Variants in WDR35 observed in about 807,000 individuals in gnomAD.
The protein encoded by WDR35 is WD repeat-containing protein 35.
A neutral mutation model predicts 158.3 loss-of-function variants in WDR35; 118 were observed. The ratio of observed to expected loss-of-function variants is 0.75; its 90% CI spans 0.64 to 0.87. The LOEUF is 0.87. WDR35 is among the 40% of genes least tolerant of loss of function. WDR35 has a pLI of 0.00. For missense variants in WDR35, 1,263 were observed against 1,405.8 expected (o/e 0.90, Z 1.62); for synonymous variants, 448 against 476.1 (o/e 0.94, Z 0.77).
At chr2:19,960,441 C>A (rs1671603793) in intron 11 of WDR35, 113 bp downstream of exon 11, 2 of 833,626 alleles carry the variant, frequency 2.4e-6, no homozygotes, top group Non-Finnish European at 3.9e-6. Context: ...GAAGTATGGT[C>A]ATCCTCGTTT....
chr2:19,931,451 A>G (rs1231827663), intron 23 of WDR35, 42 bp from the exon 24 acceptor site: 5 of 1,604,502 alleles, frequency 3.1e-6, no homozygotes, highest in Non-Finnish European at 4.3e-6. Context: ...CTTCTTATCT[A>G]TATTTGTACA....
At chr2:19,955,589 C>G (rs187714576) in intron 11 of WDR35, among the ~76,000 whole-genome samples, 1 of 151,908 alleles carries the variant, frequency 6.6e-6, no homozygotes, top group Non-Finnish European at 1.5e-5. Flanking sequence ...CAAAAAACTC[C>G]GTCACAAACA....
In WDR35 at chr2:19,913,543, C is replaced by T. The variant is rs1669898941; in HGVS notation, c.*15G>A. 3 of 1,613,806 alleles carry T rather than the reference C, an allele frequency of 1.9e-6. No individual in the cohort carries two copies. The highest frequency in any genetic ancestry group is 1.1e-5 in the South Asian group (1 of 91,076). On this transcript the variant is annotated 3_prime_UTR_variant, in exon 27 of 27. Coordinates refer to ENST00000281405, the MANE Select transcript of WDR35 (RefSeq NM_020779.4). ...GCTACATATATTTTACAGTTATATA[C>T]AGTTTATCATTCCTTTATCCCACTG...
chr2:19,976,996 T>A lies in WDR35; in HGVS notation c.437-1333A>T, dbSNP rs1012308282. 2.7e-5 allele frequency among the ~76,000 whole-genome samples: 4 copies of A among 148,370 alleles called. No homozygotes were observed. In the East Asian group the frequency reaches 8.0e-4, roughly 30 times the overall value. On this transcript the variant is annotated intron_variant, in intron 5 of 26. Coordinates refer to ENST00000281405, the MANE Select transcript of WDR35 (RefSeq NM_020779.4). ...CACCACGCCCAGATAATTTGTTTTG[T>A]TTTTTTTTTATTTTTAGCACAGACA... is the stretch of plus-strand genomic sequence containing the variant.
chr2:19,958,046 C>A (rs1337516970), intron 11 of WDR35, among the ~76,000 whole-genome samples: 1 of 152,128 alleles, frequency 6.6e-6, no homozygotes, highest in East Asian at 1.9e-4. Context: ...TAATGTTCAC[C>A]CACTTTCCCA....
At position 19,941,746 on chromosome 2, in the gene WDR35, T is replaced by C. The variant is rs1380888324; in HGVS notation, c.1926+13A>G. ...TCAAGCTAGCAACAGAAATGTAACT[T>C]TTTAGGAATTACCTTTAATATCTCA... On this transcript the variant is annotated intron_variant, in intron 17 of 26. Transcript: ENST00000281405. The C allele has an allele frequency of 6.6e-7, 1 of 1,525,746 alleles. No individual in the cohort carries two copies. The highest frequency in any genetic ancestry group is 1.2e-5 in the South Asian group (1 of 85,462). The allele number at this position is 1,525,746 out of a possible 1,614,324, so 94.5% of individuals were successfully genotyped here.
intron 10 of WDR35, among the ~76,000 whole-genome samples, chr2:19,961,455 G>C (rs2103437027): frequency 6.6e-6 from 1 of 152,294 alleles, no homozygotes; most frequent in Middle Eastern, 3.4e-3. Context: ...CCACTCAATG[G>C]GTGCCAAATC....
chr2:19,930,290 G>A, intron 25 of WDR35, 106 bp downstream of exon 25: 1 of 1,525,048 alleles, frequency 6.6e-7, no homozygotes, highest in Non-Finnish European at 9.0e-7. Flanking sequence ...AAATCCATAG[G>A]AAAAAATGTT....
chr2:19,935,688 C>G, intron 20 of WDR35, 85 bp from the exon 21 acceptor site: 1 of 1,481,114 alleles, frequency 6.8e-7, no homozygotes, highest in Non-Finnish European at 9.2e-7. Context: ...GTTCCTTCAT[C>G]ATAATTCCCA....
chr2:19,968,773 T>A (rs1452156835), intron 9 of WDR35, among the ~76,000 whole-genome samples: 2 of 152,234 alleles, frequency 1.3e-5, no homozygotes, highest in African/African-American at 4.8e-5. Flanking sequence ...CAATCTCACA[T>A]TTGAGAGCTT....
At chr2:19,924,432 C>T (rs918613950) in intron 25 of WDR35, among the ~76,000 whole-genome samples, 10 of 152,030 alleles carry the variant, frequency 6.6e-5, no homozygotes, top group South Asian at 2.1e-4. Flanking sequence ...GGTGTGGTGG[C>T]GGGCGCCTGT....
Position 19,966,892 on chromosome 2 carries a change from G to C in WDR35, c.1026C>G (p.Asn342Lys). The change falls in exon 10 of 27, where the codon AAC (asparagine) becomes AAG (lysine). Residue 342 changes from asparagine to lysine, a missense_variant. Transcript: ENST00000281405. ...RPNYKWGYCS[N>K]TVVYAYTRPD... ...GTCTGGTATATGCATAAACTACAGT[G>C]TTTGAGCAATAACCCCACTAGGAAG... 1 of 1,613,828 alleles carries C rather than the reference G, an allele frequency of 6.2e-7. No individual in the cohort carries two copies. The highest frequency in any genetic ancestry group is 2.2e-5 in the East Asian group (1 of 44,836).
rs1670374897 is a variant in WDR35 at position 19,926,941 on chromosome 2, C to A, written c.3121+3455G>T. Among the ~76,000 whole-genome samples, 3 of 152,090 alleles carry A rather than the reference C, an allele frequency of 2.0e-5. No individual in the cohort carries two copies. In the South Asian group the frequency reaches 6.2e-4, roughly 32 times the overall value. ...TGTTGCAGCCATTTCGAGACTGACA[C>A]TGAGGAGGACCCCAGCTGTCGCAAG... On this transcript the variant is annotated intron_variant, in intron 25 of 26. Transcript: ENST00000281405.
chr2:19,955,159 G>T (rs1351906312), intron 11 of WDR35, among the ~76,000 whole-genome samples: 1 of 152,050 alleles, frequency 6.6e-6, no homozygotes, highest in East Asian at 1.9e-4. Context: ...CACCATGTTG[G>T]CCAGATTGTC....
chr2:19,989,056 C>T, intron 2 of WDR35, 109 bp downstream of exon 2: 1 of 984,862 alleles, frequency 1.0e-6, no homozygotes, highest in Non-Finnish European at 1.6e-6. Flanking sequence ...TGGTAGTTTT[C>T]CCTTTAAAAT....
chr2:19,938,875 C>T (rs953165467), intron 17 of WDR35, among the ~76,000 whole-genome samples: 2 of 152,170 alleles, frequency 1.3e-5, no homozygotes, highest in Admixed American at 6.5e-5. Context: ...TTTCTGGCAA[C>T]TGAATTACTT....
At chr2:19,931,217 T>C in intron 24 of WDR35, 52 bp downstream of exon 24, 1 of 1,578,472 alleles carries the variant, frequency 6.3e-7, no homozygotes, top group Admixed American at 1.9e-5. Context: ...TTCTTTTTTT[T>C]TTTTTCTTAA....
intron 11 of WDR35, among the ~76,000 whole-genome samples, chr2:19,956,482 CT>C (rs2103429920): frequency 6.6e-6 from 1 of 152,214 alleles, no homozygotes; most frequent in Non-Finnish European, 1.5e-5. Context: ...AGTTTACTTA[CT>C]GTAAGTTGAA....
At chr2:19,978,632 T>G (rs1672285629) in intron 5 of WDR35, 119 bp downstream of exon 5, 1 of 1,421,646 alleles carries the variant, frequency 7.0e-7, no homozygotes, top group Non-Finnish European at 9.7e-7. Flanking sequence ...TCAAATAGTT[T>G]CCCTTTTATG....
Sources: allele counts gnomAD v4.1 joint callset (sites outside exome capture counted in the v4.1 genomes callset), GRCh38; gene constraint gnomAD v4.1.1; transcripts MANE v1.5; gene names NCBI Gene and HGNC (gene_info 2026-07-23, HGNC 2026-07-21).